Variants in ZFP28 observed in about 807,000 individuals in gnomAD.
ZFP28 encodes zinc finger protein 28 homolog.
A neutral mutation model predicts 39.5 loss-of-function variants in ZFP28; 31 were observed. The ratio of observed to expected loss-of-function variants is 0.79; its 90% CI spans 0.59 to 1.06. The LOEUF is 1.06. ZFP28 is among the 50% of genes least tolerant of loss of function. The pLI, the probability that ZFP28 is intolerant of heterozygous loss-of-function variation, is 0.00. For synonymous variants in ZFP28, 400 were observed against 378.6 expected, an observed-to-expected ratio of 1.06 and a Z score of -0.66; for missense variants, 925 against 1,048.4, an observed-to-expected ratio of 0.88 and a Z score of 1.63.
rs1264840006 is a variant in ZFP28, at chr19:56,548,983, G to A, written c.549G>A (p.Lys183=). 6.2e-7 allele frequency: 1 copy of A among 1,613,878 alleles called. No individual in the cohort carries two copies. The change falls in exon 5 of 8, where the codon AAG becomes AAA. Residue 183 remains lysine (K), a synonymous_variant. Coordinates refer to ENST00000301318, the MANE Select transcript of ZFP28 (RefSeq NM_020828.2). The part of the protein sequence containing the change: ...CPDLKAVWKI[K]ELPLKKDFCE... ...ACTTGAAGGCTGTGTGGAAGATCAA[G>A]GAGTTACCTCTCAAGAAGGACTTCT...
In ZFP28 at chr19:56,555,087, C is replaced by G. The variant is rs1384494860; in HGVS notation, c.2302C>G (p.His768Asp). The G allele has an allele frequency of 6.2e-7, 1 of 1,614,040 alleles. No individual in the cohort carries two copies. The highest frequency in any genetic ancestry group is 8.5e-7 in the Non-Finnish European group (1 of 1,180,038). Residue 768 changes from histidine (H) to aspartate (D), a missense_variant, in exon 8 of 8, where the codon CAT becomes GAT. Around this residue, in one of 2 missense-constraint regions of ZFP28, gnomAD observed 369 missense variants for 505.5 expected, o/e 0.73. Transcript: ENST00000301318. Reference sequence around the variant, plus strand: ...CAGTGTGTGTGGCAAAGCCTTTAGTCATCGTCAATCCCTTAGTGTACATCA... The same window carrying G: ...CAGTGTGTGTGGCAAAGCCTTTAGTGATCGTCAATCCCTTAGTGTACATCA... ...ECSVCGKAFS[H>D]RQSLSVHQRI...
At chr19:56,551,365 A>G (rs2044300717) in intron 7 of ZFP28, 12 of 986,272 alleles carry the variant, frequency 1.2e-5, no homozygotes, top group Non-Finnish European at 1.3e-5. Flanking sequence ...CATACACCTT[A>G]GATCCATTTA....
At chr19:56,538,237 A>C (rs1426136295), upstream of ZFP28, 2 of 152,234 alleles carry the variant, frequency 1.3e-5, no homozygotes, top group Non-Finnish European at 2.9e-5. Flanking sequence ...CCCCCTTCCT[A>C]GCCCACACAC....
upstream of ZFP28, chr19:56,537,801 C>G (rs2044147574): frequency 6.6e-6 from 1 of 152,290 alleles, no homozygotes. Flanking sequence ...GTGCAGAGGT[C>G]AGTGCATCTG....
At chr19:56,552,407 G>A (rs980995389) in intron 7 of ZFP28, 3 of 152,060 alleles carry the variant, frequency 2.0e-5, no homozygotes, top group African/African-American at 7.2e-5. Flanking sequence ...GATGAAAAAT[G>A]TTTTATTTAA....
intron 7 of ZFP28, chr19:56,551,544 A>C (rs1347468813): frequency 1.2e-5 from 12 of 985,020 alleles, no homozygotes; most frequent in African/African-American, 1.7e-5. Context: ...TTTCAAGTTA[A>C]GTGAAAACTA....
Position 56,554,737 on chromosome 19 carries a change from G to C in ZFP28, c.1952G>C (p.Ser651Thr). 6.2e-7 allele frequency: 1 copy of C among 1,614,162 alleles called. No individual in the cohort carries two copies. The highest frequency in any genetic ancestry group is 8.5e-7 in the Non-Finnish European group (1 of 1,180,028). The part of the protein sequence containing the change: ...GEKPYECKVC[S>T]KAFTQKAHLA... ...AAGCCCTATGAATGTAAGGTTTGTAGTAAAGCGTTCACCCAGAAGGCTCAC... is the reference window on the plus strand; with the variant it reads ...AAGCCCTATGAATGTAAGGTTTGTACTAAAGCGTTCACCCAGAAGGCTCAC... The change falls in exon 8 of 8, where the codon AGT (serine) becomes ACT (threonine). Residue 651 changes from serine to threonine, a missense_variant. Ser to Thr is a moderately conservative substitution (Grantham distance 58). Coordinates refer to ENST00000301318, the MANE Select transcript of ZFP28 (RefSeq NM_020828.2). This position sits in a 1 kb window ranked among gnomAD's most constrained non-coding sequence, Gnocchi z 6.7.
rs2044338508 is a variant in ZFP28, at chr19:56,555,073, G to A, written c.2288G>A (p.Gly763Asp). Residue 763 changes from glycine to aspartate, a missense_variant, in exon 8 of 8, where the codon GGC (glycine) becomes GAC (aspartate). Gly to Asp is a moderately conservative substitution (Grantham distance 94). Around this residue, in one of 2 missense-constraint regions of ZFP28, gnomAD observed 369 missense variants for 505.5 expected, o/e 0.73. Coordinates refer to ENST00000301318, the MANE Select transcript of ZFP28 (RefSeq NM_020828.2). ...AAACCTTATGAATGCAGTGTGTGTG[G>A]CAAAGCCTTTAGTCATCGTCAATCC... ...GEKPYECSVC[G>D]KAFSHRQSLS... is the part of the protein sequence containing the mutation. 1 of 1,614,142 alleles carries A rather than the reference G, an allele frequency of 6.2e-7. No individual in the cohort carries two copies. Among genetic ancestry groups the A allele is most frequent in the Admixed American group, 1.7e-5 (1 of 60,024 alleles).
In ZFP28 at chr19:56,554,413, G is replaced by A; in HGVS notation, c.1628G>A (p.Arg543Lys). The change falls in exon 8 of 8, where the codon AGG becomes AAG. Residue 543 changes from arginine (R) to lysine (K), a missense_variant. By Grantham distance (26) the Arg-to-Lys change is conservative (BLOSUM62 2). Transcript: ENST00000301318. This position sits in a 1 kb window ranked among gnomAD's most constrained non-coding sequence, Gnocchi z 6.7. Reference sequence around the variant, plus strand: ...TGTGATGTATGTCACAAATCCTTCAGGTATGGTTCCTCCCTTACTGTACAT... The same window carrying A: ...TGTGATGTATGTCACAAATCCTTCAAGTATGGTTCCTCCCTTACTGTACAT... ...YKCDVCHKSF[R>K]YGSSLTVHQR... 1 of 1,614,118 alleles carries A rather than the reference G, an allele frequency of 6.2e-7. No homozygotes were observed. Among genetic ancestry groups the A allele is most frequent in the Non-Finnish European group, 8.5e-7 (1 of 1,180,010 alleles).
intron 2 of ZFP28, chr19:56,545,914 G>A (rs1019992291): frequency 6.6e-6 from 1 of 152,194 alleles, no homozygotes; most frequent in African/African-American, 2.4e-5. Flanking sequence ...ACACACAAAT[G>A]GGGACTGGGT....
upstream of ZFP28, chr19:56,538,662 T>C (rs928182388): frequency 7.9e-5 from 12 of 151,666 alleles, no homozygotes; most frequent in African/African-American, 2.9e-4. Context: ...CATCCGTCCC[T>C]GCTTGGGACT....
At chr19:56,549,444 G>A (rs550756273) in intron 5 of ZFP28, among the ~76,000 whole-genome samples, 37 of 152,234 alleles carry the variant, frequency 2.4e-4, no homozygotes, top group African/African-American at 8.7e-4. Flanking sequence ...TTGGGAGGCC[G>A]AGGCGGGTGG....
intron 2 of ZFP28, among the ~76,000 whole-genome samples, chr19:56,543,785 G>T (rs1264398000): frequency 6.6e-6 from 1 of 152,188 alleles, no homozygotes; most frequent in Non-Finnish European, 1.5e-5. Context: ...CCAGACATCA[G>T]TTAGGGAAAG....
Position 56,539,128 on chromosome 19 carries a change from C to A in ZFP28, c.110C>A (p.Ala37Asp). The change falls in exon 1 of 8, where the codon GCC becomes GAC. Residue 37 changes from alanine (A) to aspartate (D), a missense_variant. This residue lies in a region of ZFP28 where 556 missense variants were observed against 542.9 expected (regional missense o/e 1.02). Transcript: ENST00000301318. ...AGRGPTVGTP[A>D]TLALPARGRP... ...CGAGGCCCGACTGTAGGGACTCCAG[C>A]CACCTTGGCCCTCCCTGCCCGGGGA... The A allele has an allele frequency of 1.3e-6, 2 of 1,584,988 alleles. No individual in the cohort carries two copies. The highest frequency in any genetic ancestry group is 8.5e-7 in the Non-Finnish European group (1 of 1,170,792).
chr19:56,554,743 C>T lies in ZFP28; in HGVS notation c.1958C>T (p.Ala653Val), dbSNP rs760207150. ...TATGAATGTAAGGTTTGTAGTAAAG[C>T]GTTCACCCAGAAGGCTCACCTTGCA... ...KPYECKVCSK[A>V]FTQKAHLAQH... Residue 653 changes from alanine (A) to valine (V), a missense_variant, in exon 8 of 8, where the codon GCG becomes GTG. Transcript: ENST00000301318. The surrounding 1 kb of genome is among the most constrained non-coding windows in gnomAD (Gnocchi z 6.7). 8.1e-6 allele frequency: 13 copies of T among 1,614,126 alleles called. No homozygotes were observed. Among genetic ancestry groups the T allele is most frequent in the Non-Finnish European group, 9.3e-6 (11 of 1,180,022 alleles).
At chr19:56,542,516 C>T (rs1265647031) in intron 2 of ZFP28, among the ~76,000 whole-genome samples, 1 of 152,192 alleles carries the variant, frequency 6.6e-6, no homozygotes, top group African/African-American at 2.4e-5. Flanking sequence ...CCCTTGCAGC[C>T]CAGATCCATG....
rs766176179 is a variant in ZFP28 at position 56,547,489 on chromosome 19, C to T, written c.301-19C>T. 2.5e-6 allele frequency: 4 copies of T among 1,614,022 alleles called. No homozygotes were observed. The highest frequency in any genetic ancestry group is 1.7e-5 in the Admixed American group (1 of 59,994). ...GGCATGAGCACTGGTTGAGCAAGAA[C>T]ATGGTTATATCATTTCAGGGCTTGG... On this transcript the variant is annotated intron_variant, in intron 2 of 7. Coordinates refer to ENST00000301318, the MANE Select transcript of ZFP28 (RefSeq NM_020828.2). This position sits in a 1 kb window ranked among gnomAD's most constrained non-coding sequence, Gnocchi z 4.6.
intron 5 of ZFP28, among the ~76,000 whole-genome samples, chr19:56,549,804 G>A (rs899519676): frequency 6.6e-6 from 1 of 152,084 alleles, no homozygotes; most frequent in Non-Finnish European, 1.5e-5. Flanking sequence ...CTGTTAAAAG[G>A]TTCATACTGT....
chr19:56,550,766 T>C, intron 7 of ZFP28, 161 bp downstream of exon 7: 1 of 1,536,034 alleles, frequency 6.5e-7, no homozygotes, highest in Non-Finnish European at 8.7e-7. Flanking sequence ...AATTCTTTCC[T>C]CCTCCTTTGC....
Sources: gnomAD v4.1 joint callset for allele counts (sites outside exome capture counted in the v4.1 genomes callset) on GRCh38, gnomAD v4.1.1 for gene constraint, gnomAD v4.1.1 regional missense constraint, Gnocchi (gnomAD v3.1) non-coding constraint, MANE v1.5 for transcripts, NCBI Gene and HGNC (gene_info 2026-07-23, HGNC 2026-07-21) for gene names.